The following AJAP1 variants were observed in gnomAD, a reference collection of about 807,000 sequenced individuals.
AJAP1 encodes the protein adherens junction-associated protein 1.
Under a neutral mutation model 35.0 loss-of-function variants are expected in AJAP1, and 5 were observed. The observed-to-expected ratio is 0.14, with a 90% confidence interval of 0.07 to 0.30. AJAP1 has a LOEUF of 0.30. Ranked by LOEUF, AJAP1 falls within the 10% of genes least tolerant of loss-of-function variation. The pLI, the probability that AJAP1 is intolerant of heterozygous loss-of-function variation, is 1.00. For missense variants in AJAP1, 586 were observed against 571.0 expected (o/e 1.03, Z -0.27); for synonymous variants, 284 against 249.3 (o/e 1.14, Z -1.31).
Position 4,749,595 on chromosome 1 carries a change from G to A in AJAP1, c.830-20258G>A, listed in dbSNP as rs867688697. Among the ~76,000 whole-genome samples, 11 of 152,330 alleles carry A rather than the reference G, an allele frequency of 7.2e-5. No individual in the cohort carries two copies. The South Asian group carries it at 1.4e-3, about 20-fold the overall frequency. On this transcript the variant is annotated intron_variant, in intron 2 of 5. Transcript: ENST00000378191. ...TGGAGGCCAGGGGGAGGCAAGAGTG[G>A]GGAGGACCAGGAAAAAACAAACCAG...
chr1:4,767,352 C>T (rs567430807), intron 2 of AJAP1, among the ~76,000 whole-genome samples: 1 of 152,176 alleles, frequency 6.6e-6, no homozygotes, highest in South Asian at 2.1e-4. Context: ...CCATCATTAT[C>T]ACCATCACCA....
chr1:4,695,825 G>T (rs1279805695), intron 1 of AJAP1, among the ~76,000 whole-genome samples: 2 of 152,118 alleles, frequency 1.3e-5, no homozygotes, highest in Admixed American at 1.3e-4. Context: ...TCCGAATGCA[G>T]TCACACCAAG....
intron 5 of AJAP1, among the ~76,000 whole-genome samples, chr1:4,781,472 G>T (rs1004867145): frequency 6.6e-6 from 1 of 152,218 alleles, no homozygotes; most frequent in Non-Finnish European, 1.5e-5. Flanking sequence ...CGGTCTGGCC[G>T]CATGCTATGC....
At chr1:4,705,081 C>T (rs993043061) in intron 1 of AJAP1, among the ~76,000 whole-genome samples, 45 of 152,052 alleles carry the variant, frequency 3.0e-4, no homozygotes, top group East Asian at 1.4e-3. Context: ...AAGTAGGTTG[C>T]GAAAATTTTC....
chr1:4,722,959 A>C (rs952523346), intron 2 of AJAP1, among the ~76,000 whole-genome samples: 1 of 152,120 alleles, frequency 6.6e-6, no homozygotes, highest in East Asian at 1.9e-4. Context: ...GCTGGGGCTC[A>C]TGGGATACAC....
At chr1:4,691,490 G>A (rs114303740) in intron 1 of AJAP1, among the ~76,000 whole-genome samples, 3,659 of 152,334 alleles carry the variant, frequency 0.024, 101 homozygotes, top group South Asian at 0.097. Context: ...ACACAGTGGG[G>A]CTCGGGAATT....
intron 1 of AJAP1, 126 bp from the exon 2 acceptor site, chr1:4,711,774 G>A: frequency 2.8e-6 from 2 of 707,066 alleles, no homozygotes. Flanking sequence ...TTGAAGTTAG[G>A]AGGAGCTCTT....
intron 2 of AJAP1, among the ~76,000 whole-genome samples, chr1:4,759,106 T>C (rs964450052): frequency 4.6e-5 from 7 of 152,294 alleles, no homozygotes; most frequent in East Asian, 1.9e-4. Context: ...AGCCTTCTTT[T>C]TGGCCTGCTG....
At chr1:4,729,211 G>C (rs1050364718) in intron 2 of AJAP1, among the ~76,000 whole-genome samples, 1 of 152,200 alleles carries the variant, frequency 6.6e-6, no homozygotes, top group African/African-American at 2.4e-5. Flanking sequence ...CTCACAGCCC[G>C]GGATGCAGAT....
At chr1:4,731,270 G>C (rs540993145) in intron 2 of AJAP1, among the ~76,000 whole-genome samples, 1 of 152,066 alleles carries the variant, frequency 6.6e-6, no homozygotes, top group African/African-American at 2.4e-5. Flanking sequence ...TAGTAGAGAC[G>C]GAGTTTCACC....
At chr1:4,672,253 C>T (rs995415053) in intron 1 of AJAP1, among the ~76,000 whole-genome samples, 15 of 152,310 alleles carry the variant, frequency 9.8e-5, no homozygotes, top group African/African-American at 3.6e-4. Context: ...CCCCAAATCA[C>T]TGCACCATGA....
chr1:4,662,391 G>T (rs1639018554), intron 1 of AJAP1, among the ~76,000 whole-genome samples: 2 of 152,170 alleles, frequency 1.3e-5, no homozygotes. Context: ...TCTGAGGTGT[G>T]TCTACGCAGT....
chr1:4,684,718 A>G (rs1639567569), intron 1 of AJAP1, among the ~76,000 whole-genome samples: 1 of 152,148 alleles, frequency 6.6e-6, no homozygotes, highest in Admixed American at 6.6e-5. Context: ...CTGAGGCACA[A>G]AGGTATCACT....
intron 1 of AJAP1, among the ~76,000 whole-genome samples, chr1:4,684,453 G>A (rs1392698026): frequency 6.6e-6 from 1 of 152,182 alleles, no homozygotes; most frequent in Non-Finnish European, 1.5e-5. Context: ...AGACCAAGGA[G>A]CAAGGTCTAG....
intron 2 of AJAP1, among the ~76,000 whole-genome samples, chr1:4,763,945 G>A (rs913502988): frequency 6.7e-6 from 1 of 149,118 alleles, no homozygotes. Flanking sequence ...CAAGGTTCCT[G>A]GTTCTTGGGC....
chr1:4,675,587 C>G (rs1378612188), intron 1 of AJAP1, among the ~76,000 whole-genome samples: 1 of 152,168 alleles, frequency 6.6e-6, no homozygotes, highest in Non-Finnish European at 1.5e-5. Context: ...ACCATCTGAC[C>G]CAAAGCCTCT....
At chr1:4,689,504 G>A (rs555374933) in intron 1 of AJAP1, among the ~76,000 whole-genome samples, 75 of 152,310 alleles carry the variant, frequency 4.9e-4, no homozygotes, top group African/African-American at 7.7e-4. Context: ...CCTCTGAGCC[G>A]ATGGCCCCTG....
At chr1:4,751,517 C>T (rs1641320163) in intron 2 of AJAP1, among the ~76,000 whole-genome samples, 1 of 152,194 alleles carries the variant, frequency 6.6e-6, no homozygotes, top group Non-Finnish European at 1.5e-5. Flanking sequence ...CATTCATTTG[C>T]CAAGTATTTA....
chr1:4,762,206 CTG>C (rs1271633445), intron 2 of AJAP1, among the ~76,000 whole-genome samples: 3 of 152,238 alleles, frequency 2.0e-5, no homozygotes, highest in Non-Finnish European at 4.4e-5. Flanking sequence ...CTGTTGAATT[CTG>C]TGTCTGCCAT....
Sources: gnomAD v4.1 joint callset for allele counts (sites outside exome capture counted in the v4.1 genomes callset) on GRCh38, gnomAD v4.1.1 for gene constraint, MANE v1.5 for transcripts, NCBI Gene and HGNC (gene_info 2026-07-23, HGNC 2026-07-21) for gene names.